CYRIB: variants seen among roughly 807,000 people sequenced by gnomAD.
CYRIB encodes the protein CYFIP-related Rac1 interactor B.
Under a neutral mutation model 44.2 loss-of-function variants are expected in CYRIB, and 8 were observed. That is an observed-to-expected ratio of 0.18 (90% confidence interval 0.11 to 0.33). CYRIB has a LOEUF of 0.33. Among genes scored for constraint, CYRIB ranks in the 10% least tolerant of loss-of-function variants. The pLI is 1.00. For synonymous variants in CYRIB, 131 were observed against 127.2 expected (o/e 1.03, Z -0.20); for missense variants, 185 against 382.8 (o/e 0.48, Z 4.31).
chr8:129,955,655 A>G (rs1762060027), intron 2 of CYRIB, among the ~76,000 whole-genome samples: 1 of 152,242 alleles, frequency 6.6e-6, no homozygotes, highest in African/African-American at 2.4e-5. Context: ...TTTGCATAGC[A>G]CTGTGTATTC....
chr8:129,939,572 AG>A (rs1199234949), intron 1 of CYRIB: 1 of 152,042 alleles, frequency 6.6e-6, no homozygotes, highest in African/African-American at 2.4e-5. Flanking sequence ...AGGAGTGTGA[AG>A]GAAGAGGGGA....
intron 2 of CYRIB, among the ~76,000 whole-genome samples, chr8:129,967,371 GT>G (rs141858487): frequency 6.4e-5 from 9 of 141,546 alleles, no homozygotes; most frequent in African/African-American, 2.5e-4. Flanking sequence ...GTTTTGTTTT[GT>G]TTTTTTGTTT....
At chr8:130,003,418 T>C (rs539535553) in intron 1 of CYRIB, among the ~76,000 whole-genome samples, 3 of 152,226 alleles carry the variant, frequency 2.0e-5, no homozygotes, top group East Asian at 3.9e-4. Flanking sequence ...AGCAAGAAAA[T>C]GCATGCACCT....
At chr8:129,893,366 G>T (rs984345917) in intron 2 of CYRIB, among the ~76,000 whole-genome samples, 5 of 152,146 alleles carry the variant, frequency 3.3e-5, no homozygotes, top group African/African-American at 1.2e-4. Flanking sequence ...AGACAAGCAA[G>T]TGTGGGTATG....
chr8:129,867,428 T>C (rs2054335159), intron 4 of CYRIB, among the ~76,000 whole-genome samples: 2 of 151,754 alleles, frequency 1.3e-5, no homozygotes, highest in South Asian at 2.1e-4. Flanking sequence ...TTTGGCTATT[T>C]ATTTTTTTAA....
intron 1 of CYRIB, among the ~76,000 whole-genome samples, chr8:129,991,490 A>G (rs2133346723): frequency 6.6e-6 from 1 of 152,208 alleles, no homozygotes; most frequent in South Asian, 2.1e-4. Context: ...TGGTGGCTGT[A>G]TAAGAAGAGG....
chr8:129,858,146 G>A (rs2047195416), intron 5 of CYRIB, among the ~76,000 whole-genome samples: 2 of 152,220 alleles, frequency 1.3e-5, no homozygotes, highest in South Asian at 2.1e-4. Context: ...AGCCTACAAT[G>A]CTCTGTCTCA....
chr8:129,859,873 G>C (rs1284456881), intron 5 of CYRIB, among the ~76,000 whole-genome samples: 1 of 151,872 alleles, frequency 6.6e-6, no homozygotes, highest in South Asian at 2.1e-4. Context: ...TCGTGTCCTC[G>C]GTCTCTTGCC....
chr8:129,987,556 CTT>C (rs35721101), intron 1 of CYRIB, among the ~76,000 whole-genome samples: 3 of 140,838 alleles, frequency 2.1e-5, no homozygotes, highest in African/African-American at 7.9e-5. Context: ...TTTTTCTTGT[CTT>C]TTTTTTTTTC....
chr8:129,966,434 T>G lies in CYRIB; in HGVS notation c.-243+4509A>C, dbSNP rs575417454. 6.6e-4 allele frequency among the ~76,000 whole-genome samples: 100 copies of G among 152,284 alleles called. 1 individual carries two copies. Among genetic ancestry groups the G allele is most frequent in the African/African-American group, 2.4e-3 (98 of 41,552 alleles). On this transcript the variant is annotated intron_variant, in intron 2 of 14. Transcript: ENST00000401979. Reference sequence around the variant, plus strand: ...TTCTCCAACCACAGTCACAAAAGGTTGTTTTGTTTTTAAATACAAAAGAAG... The same window carrying G: ...TTCTCCAACCACAGTCACAAAAGGTGGTTTTGTTTTTAAATACAAAAGAAG...
intron 2 of CYRIB, among the ~76,000 whole-genome samples, chr8:129,950,555 G>A (rs2034426013): frequency 6.6e-6 from 1 of 150,412 alleles, no homozygotes; most frequent in African/African-American, 2.5e-5. Context: ...GGGTGACAAA[G>A]CAAGACCATC....
intron 1 of CYRIB, among the ~76,000 whole-genome samples, chr8:130,006,826 G>C (rs2097113129): frequency 6.6e-6 from 1 of 150,480 alleles, no homozygotes; most frequent in South Asian, 2.1e-4. Context: ...GGGGGGACTT[G>C]AAAGCAGAGG....
rs1587317496 is a variant in CYRIB, at chr8:129,854,362, G to GA, written c.439-20dup. The GA allele has an allele frequency of 2.3e-5, 36 of 1,565,738 alleles. No individual in the cohort carries two copies. Among genetic ancestry groups the GA allele is most frequent in the Admixed American group, 5.7e-5 (3 of 52,334 alleles). On this transcript the variant is annotated intron_variant, in intron 6 of 11. Coordinates refer to ENST00000519824, the Ensembl canonical transcript of CYRIB. ...TTGTCATCTGAAGAAGACAGTTGTG[G>GA]AAAAAAAATGTTATGTACTAAATGC...
At chr8:129,979,367 A>G (rs2096108632) in intron 1 of CYRIB, among the ~76,000 whole-genome samples, 1 of 152,168 alleles carries the variant, frequency 6.6e-6, no homozygotes, top group South Asian at 2.1e-4. Flanking sequence ...CAATAGTAGC[A>G]TAACATTTTT....
At chr8:129,846,004 T>C (rs7814585) in intron 11 of CYRIB, among the ~76,000 whole-genome samples, 8,681 of 152,072 alleles carry the variant, frequency 0.057, 826 homozygotes, top group African/African-American at 0.19. Flanking sequence ...TACAGGCACA[T>C]GCCTGTGATC....
chr8:129,913,955 T>C (rs2079394156), intron 1 of CYRIB, among the ~76,000 whole-genome samples: 1 of 152,222 alleles, frequency 6.6e-6, no homozygotes, highest in Non-Finnish European at 1.5e-5. Flanking sequence ...ATGAAGGTAC[T>C]GAAAATACAG....
intron 1 of CYRIB, among the ~76,000 whole-genome samples, chr8:129,911,304 T>G (rs1239828969): frequency 1.3e-5 from 2 of 152,022 alleles, no homozygotes; most frequent in Non-Finnish European, 2.9e-5. Context: ...TTGTCCAAGG[T>G]CATGACTAGA....
At chr8:129,913,822 C>G (rs1460341042) in intron 1 of CYRIB, among the ~76,000 whole-genome samples, 1 of 152,062 alleles carries the variant, frequency 6.6e-6, no homozygotes, top group Non-Finnish European at 1.5e-5. Flanking sequence ...ACTGTCCCTG[C>G]CAGATAAGGA....
chr8:130,003,158 G>A (rs564052035), intron 1 of CYRIB, among the ~76,000 whole-genome samples: 1 of 152,288 alleles, frequency 6.6e-6, no homozygotes, highest in African/African-American at 2.4e-5. Context: ...TGGAGGTCAA[G>A]GCTGCATCAT....
Sources: allele counts gnomAD v4.1 joint callset (sites outside exome capture counted in the v4.1 genomes callset), GRCh38; gene constraint gnomAD v4.1.1; transcripts MANE v1.5; gene names NCBI Gene and HGNC (gene_info 2026-07-23, HGNC 2026-07-21).